MALRD1: variants seen among roughly 807,000 people sequenced by gnomAD.
The protein encoded by MALRD1 is MAM and LDL-receptor class A domain-containing protein 1.
Under a neutral mutation model 242.1 loss-of-function variants are expected in MALRD1, and 247 were observed. The ratio of observed to expected loss-of-function variants is 1.02; its 90% CI spans 0.92 to 1.13. The LOEUF is 1.13. Ranked by LOEUF, MALRD1 falls within the 50% of genes most tolerant of loss-of-function variation. The probability of loss-of-function intolerance (pLI) is 0.00; values close to 1 mark genes in which losing one functional copy is unlikely to be tolerated. For missense variants in MALRD1, 2,989 were observed against 2,533.1 expected (o/e 1.18, Z -3.86); for synonymous variants, 995 against 866.6 (o/e 1.15, Z -2.60).
chr10:19,068,886 A>G (rs1590383805), intron 2 of MALRD1, among the ~76,000 whole-genome samples: 1 of 152,138 alleles, frequency 6.6e-6, no homozygotes, highest in South Asian at 2.1e-4. Context: ...GAACATTAAA[A>G]ACATCACTGT....
intron 29 of MALRD1, among the ~76,000 whole-genome samples, chr10:19,467,256 G>A (rs1836261468): frequency 6.6e-6 from 1 of 151,060 alleles, no homozygotes; most frequent in Non-Finnish European, 1.5e-5. Flanking sequence ...TCAGGAGGCT[G>A]AGGCAGGAGA....
chr10:19,373,153 A>ATTT (rs71387068), intron 26 of MALRD1, among the ~76,000 whole-genome samples: 3 of 140,646 alleles, frequency 2.1e-5, no homozygotes, highest in African/African-American at 8.1e-5. Flanking sequence ...AGTTGCTCTC[A>ATTT]TTTTTTTTTC....
chr10:19,048,004 A>G (rs182136174), upstream of MALRD1, among the ~76,000 whole-genome samples: 38 of 152,344 alleles, frequency 2.5e-4, no homozygotes, highest in East Asian at 7.3e-3. Flanking sequence ...TAATTTCTAT[A>G]ATATTCACGC....
At chr10:19,563,362 A>G (rs966393172) in intron 32 of MALRD1, among the ~76,000 whole-genome samples, 12 of 152,096 alleles carry the variant, frequency 7.9e-5, no homozygotes, top group African/African-American at 1.4e-4. Context: ...TTCTTCTTAT[A>G]TATGATTTGA....
At chr10:19,667,239 T>G (rs1293666840) in intron 36 of MALRD1, among the ~76,000 whole-genome samples, 3 of 152,060 alleles carry the variant, frequency 2.0e-5, no homozygotes, top group East Asian at 3.9e-4. Context: ...AAGGATTGCT[T>G]GAAGCCAGGA....
intron 32 of MALRD1, among the ~76,000 whole-genome samples, chr10:19,539,897 T>TGTGTGTGCGCGC (rs1365113182): frequency 2.3e-5 from 1 of 44,434 alleles, no homozygotes; most frequent in East Asian, 7.8e-4. Context: ...TGTGTGTGTG[T>TGTGTGTGCGCGC]GCGCGCGCGC....
chr10:19,641,925 TA>T (rs1564509488), intron 36 of MALRD1, among the ~76,000 whole-genome samples: 3 of 152,110 alleles, frequency 2.0e-5, no homozygotes, highest in Non-Finnish European at 2.9e-5. Context: ...TTATTGGCAA[TA>T]ACAAGTAGTT....
intron 7 of MALRD1, among the ~76,000 whole-genome samples, chr10:19,125,378 TTTCC>T (rs60592186): frequency 0.071 from 6,131 of 86,708 alleles, 697 homozygotes; most frequent in East Asian, 0.17. Context: ...TCTTTCTTTC[TTTCC>T]TTCCTTCCTT....
intron 38 of MALRD1, among the ~76,000 whole-genome samples, chr10:19,723,675 A>C (rs1215530462): frequency 6.6e-6 from 1 of 151,306 alleles, no homozygotes; most frequent in Non-Finnish European, 1.5e-5. Context: ...CCAGGAGTTC[A>C]AGGCTGCAGT....
At chr10:19,341,486 ATATATATG>A (rs1020344983) in intron 24 of MALRD1, among the ~76,000 whole-genome samples, 5 of 16,092 alleles carry the variant, frequency 3.1e-4, no homozygotes, top group Non-Finnish European at 3.6e-4. Context: ...ATATATGTGT[ATATATATG>A]TATATATGTA....
chr10:19,162,101 T>C (rs967158346), intron 12 of MALRD1, among the ~76,000 whole-genome samples: 3 of 152,130 alleles, frequency 2.0e-5, no homozygotes, highest in African/African-American at 7.2e-5. Flanking sequence ...AATTTTTCAC[T>C]TTGTTTAATT....
chr10:19,318,949 G>A (rs993097447), intron 21 of MALRD1, among the ~76,000 whole-genome samples: 9 of 140,724 alleles, frequency 6.4e-5, no homozygotes, highest in Admixed American at 3.0e-4. Context: ...AAATAAATAT[G>A]TACATATAAT....
intron 7 of MALRD1, among the ~76,000 whole-genome samples, chr10:19,125,345 C>A (rs1837239527): frequency 1.0e-5 from 1 of 96,816 alleles, no homozygotes; most frequent in Non-Finnish European, 2.1e-5. Context: ...TTCTTTCTTT[C>A]TTTCTTTCTT....
intron 31 of MALRD1, among the ~76,000 whole-genome samples, chr10:19,519,579 G>A (rs1336406583): frequency 2.0e-5 from 3 of 152,030 alleles, no homozygotes; most frequent in Non-Finnish European, 2.9e-5. Flanking sequence ...GACCAGCCTG[G>A]GAGACATAGT....
intron 12 of MALRD1, among the ~76,000 whole-genome samples, chr10:19,162,035 A>G (rs1454385933): frequency 1.4e-5 from 2 of 146,326 alleles, no homozygotes; most frequent in Non-Finnish European, 3.0e-5. Flanking sequence ...CTCAAGAACA[A>G]CAACAACAGC....
At chr10:19,173,536 T>C (rs1442012561) in intron 13 of MALRD1, among the ~76,000 whole-genome samples, 1 of 152,184 alleles carries the variant, frequency 6.6e-6, no homozygotes, top group African/African-American at 2.4e-5. Flanking sequence ...TTCTCTCCAG[T>C]TGAGCTGTAC....
intron 33 of MALRD1, among the ~76,000 whole-genome samples, chr10:19,590,576 C>A (rs545548840): frequency 6.6e-6 from 1 of 151,888 alleles, no homozygotes; most frequent in Non-Finnish European, 1.5e-5. Flanking sequence ...AAAAATGAAT[C>A]TAGTTTAAAT....
chr10:19,179,015 A>G (rs551958724), intron 14 of MALRD1, among the ~76,000 whole-genome samples: 1 of 152,326 alleles, frequency 6.6e-6, no homozygotes, highest in South Asian at 2.1e-4. Flanking sequence ...GAGGCGATGA[A>G]TGAAAACGTC....
At chr10:19,204,854 T>C (rs2131617203) in intron 16 of MALRD1, 44 bp from the exon 17 acceptor site, 1 of 1,484,112 alleles carries the variant, frequency 6.7e-7, no homozygotes, top group East Asian at 2.5e-5. Context: ...ATATGTAGTC[T>C]ATTCTATAAA....
Sources: allele counts gnomAD v4.1 joint callset (sites outside exome capture counted in the v4.1 genomes callset), GRCh38; gene constraint gnomAD v4.1.1; transcripts MANE v1.5; gene names NCBI Gene and HGNC (gene_info 2026-07-23, HGNC 2026-07-21).